CFAP70: variants seen among roughly 807,000 people sequenced by gnomAD.
CFAP70 encodes cilia- and flagella-associated protein 70.
Under a neutral mutation model 137.6 loss-of-function variants are expected in CFAP70, and 81 were observed. That is an observed-to-expected ratio of 0.59 (90% CI 0.49 to 0.71). The LOEUF (loss-of-function observed/expected upper bound fraction) is 0.71, where lower values mean the gene tolerates loss of function less well. CFAP70 is among the 30% of genes least tolerant of loss of function. The pLI, the probability that CFAP70 is intolerant of heterozygous loss-of-function variation, is 0.00. For missense variants in CFAP70, 976 were observed against 1,226.7 expected, an observed-to-expected ratio of 0.80 and a Z score of 3.05; for synonymous variants, 382 against 423.6, an observed-to-expected ratio of 0.90 and a Z score of 1.20.
exon 3 of CFAP70, chr10:73,353,596 T>G: frequency 6.2e-7 from 1 of 1,614,194 alleles, no homozygotes; most frequent in Non-Finnish European, 8.5e-7. Context: ...AAGTGATTCC[T>G]CCTTCAGGAT....
chr10:73,352,216 A>G (rs571417325), intron 3 of CFAP70, among the ~76,000 whole-genome samples: 2 of 152,270 alleles, frequency 1.3e-5, no homozygotes, highest in South Asian at 4.2e-4. Context: ...AAGGGGACTC[A>G]TTACTAGAGG....
chr10:73,361,942 CAGA>C (rs1314475295), upstream of CFAP70, among the ~76,000 whole-genome samples: 17 of 151,846 alleles, frequency 1.1e-4, no homozygotes, highest in Non-Finnish European at 1.9e-4. Flanking sequence ...AATCCTGAAA[CAGA>C]AGAACAGTTG....
chr10:73,282,236 G>C (rs1362817873), intron 19 of CFAP70, among the ~76,000 whole-genome samples: 1 of 152,146 alleles, frequency 6.6e-6, no homozygotes, highest in Non-Finnish European at 1.5e-5. Flanking sequence ...GGGTGGAGGG[G>C]CAAGGCCAGG....
exon 10 of CFAP70, chr10:73,312,567 G>T (rs766866421): frequency 7.4e-6 from 12 of 1,611,798 alleles, no homozygotes; most frequent in Admixed American, 3.3e-5. Context: ...GGACAGCAGA[G>T]AATTAATTCC....
chr10:73,310,085 G>C (rs186639329), intron 12 of CFAP70, 73 bp downstream of exon 13: 1 of 913,208 alleles, frequency 1.1e-6, no homozygotes, highest in Non-Finnish European at 1.7e-6. Context: ...AATTACAATC[G>C]TGGGGACAAT....
At chr10:73,337,921 A>G (rs1040661129) in intron 6 of CFAP70, among the ~76,000 whole-genome samples, 2 of 152,198 alleles carry the variant, frequency 1.3e-5, no homozygotes, top group Non-Finnish European at 1.5e-5. Context: ...AAACAAAAAA[A>G]GAAAAGTACT....
chr10:73,313,730 C>G (rs189968211), intron 9 of CFAP70, among the ~76,000 whole-genome samples: 373 of 152,008 alleles, frequency 2.5e-3, no homozygotes, highest in African/African-American at 8.5e-3. Context: ...GTAATCCTAG[C>G]TATTGGGAAG....
chr10:73,334,250 G>A (rs1356844414), intron 7 of CFAP70, among the ~76,000 whole-genome samples: 1 of 152,206 alleles, frequency 6.6e-6, no homozygotes, highest in Admixed American at 6.5e-5. Flanking sequence ...TAGCCTGGGT[G>A]ACAATGTGTT....
At chr10:73,289,916 A>G (rs2048038577) in intron 19 of CFAP70, among the ~76,000 whole-genome samples, 1 of 151,996 alleles carries the variant, frequency 6.6e-6, no homozygotes, top group African/African-American at 2.4e-5. Flanking sequence ...GTGGTGGCAC[A>G]TATCTGTAGC....
At chr10:73,347,920 C>A (rs945040038) in intron 4 of CFAP70, among the ~76,000 whole-genome samples, 1 of 152,202 alleles carries the variant, frequency 6.6e-6, no homozygotes, top group Non-Finnish European at 1.5e-5. Context: ...GCTCTATGCC[C>A]ATGTGCCTCA....
chr10:73,310,289 T>A lies in CFAP70; in HGVS notation c.1165-40A>T, dbSNP rs1291954248. ...TTTTCTTATTATTTCCAGAAAAAAA[T>A]ATATTTATGAAAAATTTAGTAACAT... On this transcript the variant is annotated intron_variant, in intron 11 of 26. Coordinates refer to ENST00000310715, the Ensembl canonical transcript of CFAP70. 2.8e-6 allele frequency: 4 copies of A among 1,441,030 alleles called. No individual in the cohort carries two copies. The South Asian group carries it at 4.9e-5, about 18-fold the overall frequency. 89.3% of individuals were successfully genotyped at this position (1,441,030 alleles called of 1,614,324 possible).
intron 9 of CFAP70, among the ~76,000 whole-genome samples, chr10:73,312,973 C>T (rs940949461): frequency 2.0e-5 from 3 of 152,302 alleles, no homozygotes; most frequent in South Asian, 2.1e-4. Flanking sequence ...GTGGCTCACA[C>T]CTGTAATCCC....
chr10:73,320,371 C>T lies in CFAP70; in HGVS notation c.912+2592G>A, dbSNP rs1589467503. The stretch of plus-strand genomic sequence containing the variant: ...ACAAGGTCTCACTCTGTCACTCAGG[C>T]GGAGTACAGTAGAACAATCACAGCT... On this transcript the variant is annotated intron_variant, in intron 9 of 26. Transcript: ENST00000310715. 4.6e-5 allele frequency among the ~76,000 whole-genome samples: 7 copies of T among 151,992 alleles called. No homozygotes were observed. The South Asian group carries it at 1.2e-3, about 27-fold the overall frequency.
At chr10:73,352,579 C>T (rs2054361069) in intron 3 of CFAP70, among the ~76,000 whole-genome samples, 1 of 152,104 alleles carries the variant, frequency 6.6e-6, no homozygotes, top group South Asian at 2.1e-4. Flanking sequence ...AAGAACTCAC[C>T]ACTGTGTCAT....
chr10:73,331,951 T>C (rs979691943), intron 7 of CFAP70, among the ~76,000 whole-genome samples: 4 of 152,180 alleles, frequency 2.6e-5, no homozygotes, highest in African/African-American at 9.7e-5. Context: ...CAGTTTCAGC[T>C]CCAATACAGC....
rs376756941 is a variant in CFAP70 at position 73,290,934 on chromosome 10, A to G, written c.2239+292T>C. Among the ~76,000 whole-genome samples, 13 of 152,308 alleles carry G rather than the reference A, an allele frequency of 8.5e-5. No individual in the cohort carries two copies. The East Asian group carries it at 2.1e-3, about 25-fold the overall frequency. ...GGTATCCCTGAAATAACTCAAACTC[A>G]ATGTATTCATTCATTTAACAAATAT... On this transcript the variant is annotated intron_variant, in intron 19 of 26. Transcript: ENST00000310715.
chr10:73,272,449 T>C (rs1248225474), intron 24 of CFAP70, among the ~76,000 whole-genome samples: 1 of 152,212 alleles, frequency 6.6e-6, no homozygotes, highest in Non-Finnish European at 1.5e-5. Context: ...AAGAGGATGT[T>C]TGCCTCTTTG....
At chr10:73,314,213 T>C (rs1488363634) in intron 9 of CFAP70, among the ~76,000 whole-genome samples, 1 of 152,122 alleles carries the variant, frequency 6.6e-6, no homozygotes, top group Non-Finnish European at 1.5e-5. Context: ...TGGGGGGTAA[T>C]GTGTGTATGT....
At chr10:73,301,912 C>T (rs992048233) in intron 12 of CFAP70, among the ~76,000 whole-genome samples, 2 of 151,474 alleles carry the variant, frequency 1.3e-5, no homozygotes, top group African/African-American at 2.4e-5. Context: ...AATGGGTGAA[C>T]AAAATGAAAG....
Sources: allele counts gnomAD v4.1 joint callset (sites outside exome capture counted in the v4.1 genomes callset), GRCh38; gene constraint gnomAD v4.1.1; transcripts MANE v1.5; gene names NCBI Gene and HGNC (gene_info 2026-07-23, HGNC 2026-07-21).